The following ABCA5 variants were observed in gnomAD, a reference collection of about 807,000 sequenced individuals.
ABCA5 encodes the protein ATP binding cassette subfamily A member 5, also known as cholesterol transporter ABCA5.
A neutral mutation model predicts 206.0 loss-of-function variants in ABCA5; 163 were observed. That is an observed-to-expected ratio of 0.79 (90% CI 0.70 to 0.90). ABCA5 has a LOEUF of 0.90. Among genes scored for constraint, ABCA5 ranks in the 40% least tolerant of loss-of-function variants. The pLI is 0.00. For synonymous variants in ABCA5, 609 were observed against 613.8 expected (o/e 0.99, Z 0.11); for missense variants, 1,859 against 1,912.9 (o/e 0.97, Z 0.53).
chr17:69,286,366 G>A, intron 15 of ABCA5, 55 bp from the exon 16 acceptor site: 1 of 1,460,334 alleles, frequency 6.8e-7, no homozygotes, highest in Non-Finnish European at 9.3e-7. Flanking sequence ...ATTAATAATT[G>A]GCATTTACAT....
At chr17:69,272,520 AAG>A (rs1471407434) in intron 20 of ABCA5, among the ~76,000 whole-genome samples, 1 of 152,164 alleles carries the variant, frequency 6.6e-6, no homozygotes, top group Non-Finnish European at 1.5e-5. Flanking sequence ...TTAAAAAAAA[AAG>A]AAATATTTGA....
At chr17:69,273,937 A>C in intron 20 of ABCA5, 22 bp downstream of exon 20, 1 of 1,583,742 alleles carries the variant, frequency 6.3e-7, no homozygotes, top group Non-Finnish European at 8.6e-7. Flanking sequence ...ACACTCGTTC[A>C]CAGACCTTCA....
intron 5 of ABCA5, among the ~76,000 whole-genome samples, chr17:69,307,761 G>A (rs1395745554): frequency 6.6e-6 from 1 of 152,072 alleles, no homozygotes; most frequent in Non-Finnish European, 1.5e-5. Flanking sequence ...ACATAGCAGT[G>A]TAACAACAGA....
In ABCA5 at chr17:69,264,883, T is replaced by G. The variant is rs2075190889; in HGVS notation, c.3167A>C (p.Lys1056Thr). Residue 1056 changes from lysine (K) to threonine (T), a missense_variant, in exon 24 of 39, where the codon AAA (lysine) becomes ACA (threonine). Transcript: ENST00000392676. ...TGCAGATGGCAAAAGACCTGAAAGT[T>G]TAAGTTGAGTATAAGCTTTGATCTA... The part of the protein sequence containing the change: ...NHKIKAYTQL[K>T]LSGLLPSAYW... The G allele has an allele frequency of 6.4e-7, 1 of 1,551,592 alleles. No homozygotes were observed. The highest frequency in any genetic ancestry group is 8.7e-7 in the Non-Finnish European group (1 of 1,153,524).
chr17:69,273,579 C>G (rs1398987123), intron 20 of ABCA5, among the ~76,000 whole-genome samples: 1 of 151,506 alleles, frequency 6.6e-6, no homozygotes, highest in East Asian at 1.9e-4. Flanking sequence ...CCTCAGCCTC[C>G]CGAGTACCTG....
chr17:69,311,729 T>G (rs2075772817), intron 3 of ABCA5, among the ~76,000 whole-genome samples: 1 of 152,108 alleles, frequency 6.6e-6, no homozygotes, highest in Admixed American at 6.6e-5. Flanking sequence ...TGACCTCAGG[T>G]GATCTGCTCA....
intron 1 of ABCA5, 49 bp from the exon 2 acceptor site, chr17:69,314,479 C>T: frequency 8.7e-7 from 1 of 1,151,904 alleles, no homozygotes; most frequent in Non-Finnish European, 1.3e-6. Context: ...ACGCAGTAAA[C>T]TGCATGTAAT....
chr17:69,276,331 C>A (rs1284424793), intron 19 of ABCA5, among the ~76,000 whole-genome samples: 1 of 152,158 alleles, frequency 6.6e-6, no homozygotes, highest in Non-Finnish European at 1.5e-5. Context: ...TTGTGATCCG[C>A]CTGCCTTGGC....
At position 69,286,211 on chromosome 17, in the gene ABCA5, T is replaced by C; in HGVS notation, c.2132+10A>G. 1 of 1,599,886 alleles carries C rather than the reference T, an allele frequency of 6.3e-7. No individual in the cohort carries two copies. The highest frequency in any genetic ancestry group is 8.5e-7 in the Non-Finnish European group (1 of 1,174,312). The stretch of plus-strand genomic sequence containing the variant: ...TAATATAGAATAATGTCAATAAAAA[T>C]GAATGATACCTCAGGCGGTAGCCGA... On this transcript the variant is annotated intron_variant, in intron 16 of 38. Coordinates refer to ENST00000392676, the MANE Select transcript of ABCA5 (RefSeq NM_172232.4).
chr17:69,261,263 A>C lies in ABCA5; in HGVS notation c.3430-4T>G. On this transcript the variant is annotated splice_region_variant and splice_polypyrimidine_tract_variant and intron_variant, in intron 25 of 38. Coordinates refer to ENST00000392676, the MANE Select transcript of ABCA5 (RefSeq NM_172232.4). ...TTGCAATACAAGCCAACGCTGCCTA[A>C]AGAAAAAAATAAATAAATAAAAGTG... 1 of 1,583,948 alleles carries C rather than the reference A, an allele frequency of 6.3e-7. No homozygotes were observed. The highest frequency in any genetic ancestry group is 8.6e-7 in the Non-Finnish European group (1 of 1,168,486).
At chr17:69,272,647 A>G (rs1224560652) in intron 20 of ABCA5, among the ~76,000 whole-genome samples, 1 of 152,206 alleles carries the variant, frequency 6.6e-6, no homozygotes. Context: ...ATTCATAATG[A>G]AATTTCCTAA....
chr17:69,316,272 C>A (rs1410238275), intron 1 of ABCA5, among the ~76,000 whole-genome samples: 1 of 152,222 alleles, frequency 6.6e-6, no homozygotes, highest in East Asian at 1.9e-4. Flanking sequence ...GCAGACAGAT[C>A]ACCTGAGGTC....
chr17:69,270,391 A>G (rs2075258843), intron 22 of ABCA5, among the ~76,000 whole-genome samples: 1 of 152,092 alleles, frequency 6.6e-6, no homozygotes, highest in South Asian at 2.1e-4. Flanking sequence ...CTTATTCCTT[A>G]TACAAATATT....
intron 11 of ABCA5, among the ~76,000 whole-genome samples, chr17:69,293,833 G>GGTGGGT (rs1555581963): frequency 8.1e-6 from 1 of 123,726 alleles, no homozygotes; most frequent in Non-Finnish European, 1.7e-5. Flanking sequence ...CAATCATACT[G>GGTGGGT]GTGTGTGTGT....
chr17:69,249,917 TA>T lies in ABCA5; in HGVS notation c.4752del (p.Phe1584LeufsTer27). 6.4e-7 allele frequency: 1 copy of T among 1,555,084 alleles called. No homozygotes were observed. Among genetic ancestry groups the T allele is most frequent in the Non-Finnish European group, 8.7e-7 (1 of 1,154,118 alleles). ...AGATACTACTTACCTTCTTCCAGCT[TA>T]AAAAAAGATTGTGAAAGGGACTGAA... ...EDVQSLSQSF[F>X]KLEEAKHAFA... is the part of the protein sequence containing the mutation. On this transcript the variant is annotated frameshift_variant, in exon 37 of 39. Coordinates refer to ENST00000392676, the MANE Select transcript of ABCA5 (RefSeq NM_172232.4). LOFTEE classifies it high-confidence loss of function.
Position 69,247,598 on chromosome 17 carries a change from C to T in ABCA5, c.4868G>A (p.Cys1623Tyr), listed in dbSNP as rs1451249431. 1 of 1,610,988 alleles carries T rather than the reference C, an allele frequency of 6.2e-7. No homozygotes were observed. The highest frequency in any genetic ancestry group is 8.5e-7 in the Non-Finnish European group (1 of 1,178,866). The change falls in exon 39 of 39, where the codon TGT (cysteine) becomes TAT (tyrosine). Residue 1623 changes from cysteine to tyrosine, a missense_variant. Coordinates refer to ENST00000392676, the MANE Select transcript of ABCA5 (RefSeq NM_172232.4). The part of the protein sequence containing the change: ...TKEQEEEDNS[C>Y]GTLNSTLWWE... ...CCAAAGTGTGCTGTTTAAAGTTCCA[C>T]AACTATTATCTTCCTCCTCTTGTTC...
intron 2 of ABCA5, among the ~76,000 whole-genome samples, chr17:69,313,965 C>A (rs1170348466): frequency 2.6e-5 from 4 of 152,214 alleles, no homozygotes; most frequent in South Asian, 4.2e-4. Flanking sequence ...GCAACTCAAT[C>A]TAGAGTCCAT....
intron 3 of ABCA5, among the ~76,000 whole-genome samples, chr17:69,311,309 A>G (rs1367699118): frequency 1.3e-5 from 2 of 152,212 alleles, no homozygotes; most frequent in African/African-American, 2.4e-5. Flanking sequence ...ATTTACATGA[A>G]TAAAGAGGGT....
intron 6 of ABCA5, among the ~76,000 whole-genome samples, chr17:69,305,962 A>G (rs2075713029): frequency 1.3e-5 from 2 of 152,228 alleles, no homozygotes. Context: ...TCCATTATGT[A>G]AAGTGTTAAT....
Sources: allele counts gnomAD v4.1 joint callset (sites outside exome capture counted in the v4.1 genomes callset), GRCh38; gene constraint gnomAD v4.1.1; transcripts MANE v1.5; gene names NCBI Gene and HGNC (gene_info 2026-07-23, HGNC 2026-07-21).